Variants in CARS2 observed in about 807,000 individuals in gnomAD.
The protein encoded by CARS2 is probable cysteine--tRNA ligase, mitochondrial.
Under a neutral mutation model 68.8 loss-of-function variants are expected in CARS2, and 52 were observed. That is an observed-to-expected ratio of 0.76 (90% confidence interval 0.61 to 0.95). The LOEUF is 0.95. Ranked by LOEUF, CARS2 falls within the 40% of genes least tolerant of loss-of-function variation. CARS2 has a pLI of 0.00. For missense variants in CARS2, 780 were observed against 754.2 expected (o/e 1.03, Z -0.40); for synonymous variants, 314 against 303.6 (o/e 1.03, Z -0.36).
rs1424054611 is a variant in CARS2 at position 110,668,097 on chromosome 13, T to A, written c.786-624A>T. ...CGGTGGATTTTCTTAAAATGATAGA[T>A]AGAGAAATTTCTAAGGTGCCAACAC... is the stretch of plus-strand genomic sequence containing the variant. On this transcript the variant is annotated intron_variant, in intron 7 of 14. Transcript: ENST00000257347. This position sits in a 1 kb window ranked among gnomAD's most constrained non-coding sequence, Gnocchi z 4.1. 1.3e-5 allele frequency among the ~76,000 whole-genome samples: 2 copies of A among 152,156 alleles called. No individual in the cohort carries two copies. Among genetic ancestry groups the A allele is most frequent in the African/African-American group, 4.8e-5 (2 of 41,440 alleles).
Position 110,665,063 on chromosome 13 carries a change from G to C in CARS2, c.920-1545C>G. 1.0e-6 allele frequency: 1 copy of C among 985,450 alleles called. No homozygotes were observed. The highest frequency in any genetic ancestry group is 1.2e-6 in the Non-Finnish European group (1 of 829,940). 61.0% of individuals were successfully genotyped at this position (985,450 alleles called of 1,614,324 possible). A position where few individuals can be genotyped will look rare whatever the true frequency, so the allele number is the denominator to read the frequency against. On this transcript the variant is annotated intron_variant, in intron 8 of 14. Coordinates refer to ENST00000257347, the MANE Select transcript of CARS2 (RefSeq NM_024537.4). This position sits in a 1 kb window ranked among gnomAD's most constrained non-coding sequence, Gnocchi z 4.3. ...AACAGGTGTCACTTCTCCTGCGTCAGGAGACACTGATGTTTTGTTTGGGGC... is the reference window on the plus strand; with the variant it reads ...AACAGGTGTCACTTCTCCTGCGTCACGAGACACTGATGTTTTGTTTGGGGC...
At chr13:110,680,117 C>A (rs1446096169) in intron 6 of CARS2, among the ~76,000 whole-genome samples, 1 of 140,840 alleles carries the variant, frequency 7.1e-6, no homozygotes, top group Non-Finnish European at 1.5e-5. Flanking sequence ...CGGTGGCTCA[C>A]ACCGATAACC....
intron 3 of CARS2, among the ~76,000 whole-genome samples, chr13:110,692,127 T>C (rs936602237): frequency 7.1e-6 from 1 of 139,896 alleles, no homozygotes; most frequent in African/African-American, 3.2e-5. Flanking sequence ...CACACATATA[T>C]ATACATATAT....
rs902904499 is a variant in CARS2 at position 110,642,511 on chromosome 13, C to A, written c.1427G>T (p.Gly476Val). The change falls in exon 14 of 15, where the codon GGA becomes GTA. Residue 476 changes from glycine (G) to valine (V), a missense_variant. Coordinates refer to ENST00000257347, the MANE Select transcript of CARS2 (RefSeq NM_024537.4). ...ATGCAAGGTAGCCTCGCTGCCGTCT[C>A]CTGAAACGTACTGAAGCCAGCAGGG... The part of the protein sequence containing the change: ...ISLANQQYVS[G>V]DGSEATLHGV... The A allele has an allele frequency of 6.2e-7, 1 of 1,608,436 alleles. No homozygotes were observed. Among genetic ancestry groups the A allele is most frequent in the Non-Finnish European group, 8.5e-7 (1 of 1,177,802 alleles).
Position 110,651,091 on chromosome 13 carries a change from T to A in CARS2, c.997A>T (p.Lys333Ter). The A allele has an allele frequency of 6.2e-7, 1 of 1,613,320 alleles. No individual in the cohort carries two copies. Among genetic ancestry groups the A allele is most frequent in the East Asian group, 2.2e-5 (1 of 44,834 alleles). The change falls in exon 10 of 15, where the codon AAG becomes TAG. Residue 333 changes from lysine (K) to a stop codon, truncating the protein, a stop_gained. Coordinates refer to ENST00000257347, the MANE Select transcript of CARS2 (RefSeq NM_024537.4). LOFTEE classifies it high-confidence loss of function. ...CGGAAGACATCGGGGGAAAAGGTCT[T>A]CAGAAAGTCCTGGTAAAGCGAGAGA... ...KNYITIKDFL[K>*]TFSPDVFRFF...
chr13:110,694,591 C>T (rs2063566681), intron 3 of CARS2, among the ~76,000 whole-genome samples: 1 of 151,844 alleles, frequency 6.6e-6, no homozygotes, highest in African/African-American at 2.4e-5. Context: ...GGGCTGAGAT[C>T]CCACCATTGC....
intron 5 of CARS2, among the ~76,000 whole-genome samples, chr13:110,686,955 A>T (rs1453688617): frequency 6.6e-6 from 1 of 151,374 alleles, no homozygotes; most frequent in African/African-American, 2.4e-5. Context: ...GCTCACTGCA[A>T]CCTCTGACTC....
At chr13:110,681,280 C>G (rs191134498) in intron 6 of CARS2, among the ~76,000 whole-genome samples, 36 of 152,266 alleles carry the variant, frequency 2.4e-4, no homozygotes, top group African/African-American at 8.4e-4. Flanking sequence ...AAAAAGACAA[C>G]ACCATTGCTT....
In CARS2 at chr13:110,705,656, T is replaced by G; in HGVS notation, c.225-85A>C. 1 of 1,490,994 alleles carries G rather than the reference T, an allele frequency of 6.7e-7. No homozygotes were observed. Among genetic ancestry groups the G allele is most frequent in the Non-Finnish European group, 9.3e-7 (1 of 1,076,364 alleles). 92.4% of individuals were successfully genotyped at this position (1,490,994 alleles called of 1,614,324 possible). A position where few individuals can be genotyped will look rare whatever the true frequency, so the allele number is the denominator to read the frequency against. The stretch of plus-strand genomic sequence containing the variant: ...CTGAGTTATAATGATCATATAATTT[T>G]TAAAGTAATCACTTCTGGGGGATGA... On this transcript the variant is annotated intron_variant, in intron 1 of 14. Transcript: ENST00000257347. This position sits in a 1 kb window ranked among gnomAD's most constrained non-coding sequence, Gnocchi z 4.0.
chr13:110,685,419 C>G (rs767904981), intron 5 of CARS2, among the ~76,000 whole-genome samples: 1 of 152,240 alleles, frequency 6.6e-6, no homozygotes, highest in African/African-American at 2.4e-5. Flanking sequence ...CAGGGCCTCA[C>G]GTGCTCATCT....
intron 9 of CARS2, among the ~76,000 whole-genome samples, chr13:110,659,443 C>G (rs142406253): frequency 0.013 from 2,047 of 152,194 alleles, 17 homozygotes; most frequent in Middle Eastern, 0.034. Flanking sequence ...TTGTTTATCA[C>G]TTTTCCTAGT....
intron 9 of CARS2, among the ~76,000 whole-genome samples, chr13:110,659,676 T>C (rs764955764): frequency 6.6e-6 from 1 of 152,240 alleles, no homozygotes; most frequent in Non-Finnish European, 1.5e-5. Flanking sequence ...CTATTAAGTA[T>C]ATAATAGCAT....
chr13:110,686,540 C>T lies in CARS2; in HGVS notation c.571+1181G>A, dbSNP rs568950057. On this transcript the variant is annotated intron_variant, in intron 5 of 14. Transcript: ENST00000257347. The stretch of plus-strand genomic sequence containing the variant: ...GGGATTATAGGTATCAGCCACCACG[C>T]CCAGCCCTGCAACTCACTTTTTTAT... 2.0e-5 allele frequency among the ~76,000 whole-genome samples: 3 copies of T among 152,056 alleles called. No homozygotes were observed. The East Asian group carries it at 5.8e-4, about 29-fold the overall frequency.
intron 3 of CARS2, among the ~76,000 whole-genome samples, chr13:110,690,129 G>A (rs1451417179): frequency 1.3e-5 from 2 of 152,198 alleles, no homozygotes; most frequent in African/African-American, 4.8e-5. Context: ...TCAGGAGGCT[G>A]AGGCAGGAGA....
chr13:110,647,004 G>C, intron 11 of CARS2, 97 bp downstream of exon 11: 14 of 1,393,892 alleles, frequency 1.0e-5, no homozygotes, highest in Non-Finnish European at 1.3e-5. Context: ...CCAGCGCCCT[G>C]TCTCCTGGGG....
intron 10 of CARS2, chr13:110,650,733 CCAGTTCACA>C (rs1268467476): frequency 3.0e-6 from 1 of 335,678 alleles, no homozygotes; most frequent in Admixed American, 5.0e-5. Flanking sequence ...TTCCAATCTC[CCAGTTCACA>C]CAGCAGGAAG....
At chr13:110,712,976 G>T in intron 1 of CARS2, 1 of 1,558,152 alleles carries the variant, frequency 6.4e-7, no homozygotes. Context: ...GCCGCGGAAT[G>T]GGTAGGTCTC....
chr13:110,648,419 T>G (rs891727504), intron 10 of CARS2: 1 of 152,212 alleles, frequency 6.6e-6, no homozygotes, highest in African/African-American at 2.4e-5. Flanking sequence ...GCTGCATTTC[T>G]CCAAAGAGGA....
At chr13:110,685,301 C>G (rs1005032525) in intron 5 of CARS2, among the ~76,000 whole-genome samples, 3 of 151,206 alleles carry the variant, frequency 2.0e-5, no homozygotes, top group Non-Finnish European at 2.9e-5. Context: ...CAGAGCAAGA[C>G]TCTGTCTCAA....
Sources: gnomAD v4.1 joint callset for allele counts (sites outside exome capture counted in the v4.1 genomes callset) on GRCh38, gnomAD v4.1.1 for gene constraint, Gnocchi (gnomAD v3.1) non-coding constraint, MANE v1.5 for transcripts, NCBI Gene and HGNC (gene_info 2026-07-23, HGNC 2026-07-21) for gene names.